EPB41L4B: variants seen among roughly 807,000 people sequenced by gnomAD.
EPB41L4B encodes the protein erythrocyte membrane protein band 4.1 like 4B.
In EPB41L4B, 30 loss-of-function variants were observed where a neutral mutation model predicts 112.5. The ratio of observed to expected loss-of-function variants is 0.27; its 90% CI spans 0.20 to 0.36. The LOEUF (loss-of-function observed/expected upper bound fraction) is 0.36, where lower values mean the gene tolerates loss of function less well. Ranked by LOEUF, EPB41L4B falls within the 10% of genes least tolerant of loss-of-function variation. The pLI, the probability that EPB41L4B is intolerant of heterozygous loss-of-function variation, is 1.00. For synonymous variants in EPB41L4B, 408 were observed against 439.7 expected, an observed-to-expected ratio of 0.93 and a Z score of 0.90; for missense variants, 1,024 against 1,133.3, an observed-to-expected ratio of 0.90 and a Z score of 1.38.
intron 2 of EPB41L4B, among the ~76,000 whole-genome samples, chr9:109,269,439 C>A (rs1419565831): frequency 6.6e-6 from 1 of 152,112 alleles, no homozygotes; most frequent in East Asian, 1.9e-4. Flanking sequence ...GGAGTCTCAG[C>A]CACTTAACTT....
chr9:109,215,530 C>T (rs937005998), intron 16 of EPB41L4B, among the ~76,000 whole-genome samples: 3 of 152,144 alleles, frequency 2.0e-5, no homozygotes, highest in African/African-American at 4.8e-5. Context: ...CCACCCATCT[C>T]GGCCTCCCAA....
chr9:109,201,817 G>C (rs1832843972), intron 19 of EPB41L4B, among the ~76,000 whole-genome samples: 1 of 151,990 alleles, frequency 6.6e-6, no homozygotes, highest in African/African-American at 2.4e-5. Context: ...GGTCATATGG[G>C]GCCTCAGGCT....
intron 6 of EPB41L4B, among the ~76,000 whole-genome samples, chr9:109,260,410 C>CTTTTTTTT (rs35040371): frequency 9.8e-6 from 1 of 102,502 alleles, no homozygotes; most frequent in African/African-American, 3.7e-5. Flanking sequence ...TCAATTGTAT[C>CTTTTTTTT]TTTTTTTTTT....
At chr9:109,246,833 CCTTCCTGCAGG>C (rs1337535860) in intron 14 of EPB41L4B, among the ~76,000 whole-genome samples, 4 of 152,214 alleles carry the variant, frequency 2.6e-5, no homozygotes, top group Non-Finnish European at 5.9e-5. Context: ...TACCTGTGCT[CCTTCCTGCAGG>C]CAATGGGCCT....
intron 19 of EPB41L4B, among the ~76,000 whole-genome samples, chr9:109,202,544 G>A (rs891748160): frequency 2.4e-4 from 36 of 152,134 alleles, no homozygotes; most frequent in African/African-American, 8.0e-4. Flanking sequence ...CCCATTTTGG[G>A]AAACTACCCT....
chr9:109,280,343 A>G (rs1042372926), intron 1 of EPB41L4B, among the ~76,000 whole-genome samples: 4 of 152,350 alleles, frequency 2.6e-5, no homozygotes, highest in African/African-American at 9.6e-5. Context: ...TGGCTCTTCC[A>G]GTCTTCCGAT....
chr9:109,201,691 C>G (rs531774059), intron 19 of EPB41L4B, among the ~76,000 whole-genome samples: 1 of 152,088 alleles, frequency 6.6e-6, no homozygotes, highest in African/African-American at 2.4e-5. Context: ...GGAGCGAAGA[C>G]CACAAAGATG....
intron 1 of EPB41L4B, among the ~76,000 whole-genome samples, chr9:109,297,806 G>A (rs1055814174): frequency 3.9e-5 from 6 of 152,222 alleles, no homozygotes; most frequent in African/African-American, 1.4e-4. Flanking sequence ...ACTCATGCCT[G>A]GTATTCTGTA....
At chr9:109,312,339 C>G (rs980438017) in intron 1 of EPB41L4B, among the ~76,000 whole-genome samples, 12 of 152,170 alleles carry the variant, frequency 7.9e-5, no homozygotes, top group African/African-American at 2.9e-4. Flanking sequence ...TACTTCTGAT[C>G]TGAGTGTTGA....
chr9:109,213,320 T>C (rs1486084213), intron 17 of EPB41L4B, among the ~76,000 whole-genome samples: 2 of 152,240 alleles, frequency 1.3e-5, no homozygotes, highest in Non-Finnish European at 2.9e-5. Context: ...CCTCCCTTCC[T>C]TCCATCTGCA....
chr9:109,218,516 T>C (rs1324699541), intron 15 of EPB41L4B, among the ~76,000 whole-genome samples: 1 of 152,108 alleles, frequency 6.6e-6, no homozygotes, highest in Admixed American at 6.5e-5. Flanking sequence ...ACAAACAACA[T>C]TCTACACACA....
At chr9:109,271,235 G>C (rs1252084802) in intron 2 of EPB41L4B, among the ~76,000 whole-genome samples, 2 of 152,228 alleles carry the variant, frequency 1.3e-5, no homozygotes, top group African/African-American at 4.8e-5. Flanking sequence ...ATTGTGGGCT[G>C]GGCTCCATCC....
At chr9:109,184,622 A>T (rs1832189685) in intron 23 of EPB41L4B, among the ~76,000 whole-genome samples, 1 of 152,152 alleles carries the variant, frequency 6.6e-6, no homozygotes, top group South Asian at 2.1e-4. Flanking sequence ...CAACAATTAC[A>T]CTCTGTGTTG....
At chr9:109,306,806 G>A (rs925024046) in intron 1 of EPB41L4B, among the ~76,000 whole-genome samples, 10 of 152,076 alleles carry the variant, frequency 6.6e-5, no homozygotes, top group African/African-American at 2.2e-4. Flanking sequence ...GCCAGCCTTC[G>A]AAAAGGCAGA....
At chr9:109,226,882 G>A (rs1833801607) in intron 15 of EPB41L4B, among the ~76,000 whole-genome samples, 1 of 151,126 alleles carries the variant, frequency 6.6e-6, no homozygotes, top group South Asian at 2.1e-4. Flanking sequence ...CTGTTGCCCA[G>A]GCAAGAGTGC....
rs1235770998 is a variant in EPB41L4B at position 109,174,575 on chromosome 9, T to C, written c.2682A>G (p.Arg894=). ...AATTTCACAGTTCGGTCATCAACAG[T>C]CTTTTCATCATCTTCTCTCTCTCCA... ...QELEREKMMK[R]LLMTEL Residue 894 remains arginine, a synonymous_variant, in exon 26 of 26, where the codon AGA becomes AGG. Coordinates refer to ENST00000374566, the MANE Select transcript of EPB41L4B (RefSeq NM_019114.5). 1 of 1,614,090 alleles carries C rather than the reference T, an allele frequency of 6.2e-7. No individual in the cohort carries two copies.
intron 10 of EPB41L4B, 32 bp from the exon 11 acceptor site, chr9:109,255,712 G>A: frequency 1.2e-6 from 2 of 1,610,130 alleles, no homozygotes; most frequent in Non-Finnish European, 1.7e-6. Context: ...CCTCGAGTGG[G>A]CGTTTGCAAC....
chr9:109,211,769 G>T (rs1015142285), intron 17 of EPB41L4B, among the ~76,000 whole-genome samples: 1 of 141,316 alleles, frequency 7.1e-6, no homozygotes, highest in African/African-American at 2.7e-5. Context: ...AGGCTGCAGT[G>T]CAGTGGCAGG....
intron 15 of EPB41L4B, among the ~76,000 whole-genome samples, chr9:109,224,260 C>G (rs1833688025): frequency 6.6e-6 from 1 of 152,060 alleles, no homozygotes; most frequent in South Asian, 2.1e-4. Context: ...CAGCATTATT[C>G]ATAAGAGCCA....
Sources: gnomAD v4.1 joint callset for allele counts (sites outside exome capture counted in the v4.1 genomes callset) on GRCh38, gnomAD v4.1.1 for gene constraint, MANE v1.5 for transcripts, NCBI Gene and HGNC (gene_info 2026-07-23, HGNC 2026-07-21) for gene names.